Variants in CBX7 observed in about 807,000 individuals in gnomAD.
The protein encoded by CBX7 is chromobox protein homolog 7.
In CBX7, 14 loss-of-function variants were observed where a neutral mutation model predicts 31.4. The observed-to-expected ratio is 0.45, with a 90% CI of 0.29 to 0.70. The LOEUF (loss-of-function observed/expected upper bound fraction) is 0.70, where lower values mean the gene tolerates loss of function less well. Ranked by LOEUF, CBX7 falls within the 30% of genes least tolerant of loss-of-function variation. CBX7 has a pLI of 0.11. For missense variants in CBX7, 269 were observed against 351.9 expected, an observed-to-expected ratio of 0.76 and a Z score of 1.89; for synonymous variants, 159 against 152.6, an observed-to-expected ratio of 1.04 and a Z score of -0.31.
At position 39,132,208 on chromosome 22, in the gene CBX7, G is replaced by C. The variant is rs1002110359; in HGVS notation, c.*1683C>G. ...CCCCATGCAGAAAGGGCTGCAGGCT[G>C]TCTTTGGTTTGGGAACCAGGGAAGA... On this transcript the variant is annotated 3_prime_UTR_variant, in exon 6 of 6. Transcript: ENST00000216133. The C allele has an allele frequency of 1.3e-5, 2 of 152,352 alleles. No homozygotes were observed. The highest frequency in any genetic ancestry group is 2.9e-5 in the Non-Finnish European group (2 of 68,138). The allele number at this position is 152,352 out of a possible 1,614,324, so 9.4% of individuals were successfully genotyped here.
chr22:39,145,857 C>T (rs191684752), intron 2 of CBX7, among the ~76,000 whole-genome samples: 30 of 151,940 alleles, frequency 2.0e-4, no homozygotes, highest in Non-Finnish European at 3.1e-4. Context: ...GCGCAGGGCT[C>T]GCCCTGCTGC....
At chr22:39,139,720 A>G (rs549209044) in intron 3 of CBX7, among the ~76,000 whole-genome samples, 1 of 141,796 alleles carries the variant, frequency 7.1e-6, no homozygotes, top group Admixed American at 7.4e-5. Flanking sequence ...AAAAAAAAAA[A>G]AGAAAGAAAG....
intron 4 of CBX7, among the ~76,000 whole-genome samples, chr22:39,137,368 G>A (rs982437463): frequency 2.0e-5 from 3 of 151,818 alleles, no homozygotes; most frequent in Non-Finnish European, 4.4e-5. Flanking sequence ...GGCGGCAGGG[G>A]ACGGAGTTTC....
At chr22:39,144,906 G>A (rs989245100) in intron 2 of CBX7, among the ~76,000 whole-genome samples, 12 of 152,234 alleles carry the variant, frequency 7.9e-5, no homozygotes, top group African/African-American at 2.7e-4. Context: ...TTTACAGATG[G>A]AGAAACTGAG....
chr22:39,142,124 G>C (rs1352016900), intron 2 of CBX7, among the ~76,000 whole-genome samples: 2 of 152,200 alleles, frequency 1.3e-5, no homozygotes, highest in Admixed American at 6.5e-5. Flanking sequence ...CCCCTAGCTA[G>C]CTGTGCGACC....
chr22:39,137,638 C>T (rs965738862), intron 4 of CBX7, among the ~76,000 whole-genome samples: 3 of 152,048 alleles, frequency 2.0e-5, no homozygotes, highest in Admixed American at 1.3e-4. Flanking sequence ...CATGAGCCAC[C>T]GCACATGGCA....
chr22:39,152,366 G>T lies in CBX7; in HGVS notation c.69+10C>A. 1 of 1,390,478 alleles carries T rather than the reference G, an allele frequency of 7.2e-7. No homozygotes were observed. The highest frequency in any genetic ancestry group is 9.4e-7 in the Non-Finnish European group (1 of 1,064,424). The allele number at this position is 1,390,478 out of a possible 1,614,324, so 86.1% of individuals were successfully genotyped here. A position where few individuals can be genotyped will look rare whatever the true frequency, so the allele number is the denominator to read the frequency against. On this transcript the variant is annotated intron_variant, in intron 1 of 5. Transcript: ENST00000216133. This position sits in a 1 kb window ranked among gnomAD's most constrained non-coding sequence, Gnocchi z 4.9. The stretch of plus-strand genomic sequence containing the variant: ...CTGGGGTCCTGGGAGCCGCCCCCGG[G>T]CAGCCTCACCTTCCGCACGCGCTTC...
chr22:39,138,584 G>C, intron 4 of CBX7, 52 bp downstream of exon 4: 6 of 1,534,696 alleles, frequency 3.9e-6, no homozygotes, highest in Non-Finnish European at 5.4e-6. Context: ...GGGCAGAGGG[G>C]GACTTGGGGT....
intron 2 of CBX7, among the ~76,000 whole-genome samples, chr22:39,145,757 C>T (rs1251232926): frequency 6.6e-6 from 1 of 150,570 alleles, no homozygotes; most frequent in South Asian, 2.1e-4. Flanking sequence ...ACGGCGCGCG[C>T]CGGCTCCGAG....
intron 4 of CBX7, chr22:39,135,961 G>C (rs1257756635): frequency 6.6e-6 from 1 of 152,136 alleles, no homozygotes; most frequent in Non-Finnish European, 1.5e-5. Context: ...GTGGTGGCAG[G>C]TGCCTGTAAT....
chr22:39,143,303 C>T (rs1197392787), intron 2 of CBX7, among the ~76,000 whole-genome samples: 1 of 147,726 alleles, frequency 6.8e-6, no homozygotes, highest in Non-Finnish European at 1.5e-5. Context: ...TTAAAAAAAA[C>T]TTTAAAAGTA....
At chr22:39,134,893 A>T (rs905303661) in intron 4 of CBX7, 141 bp from the exon 5 acceptor site, 1 of 634,612 alleles carries the variant, frequency 1.6e-6, no homozygotes, top group African/African-American at 1.9e-5. Flanking sequence ...ACGGCTGGCC[A>T]TCACCCCACC....
chr22:39,145,393 G>A (rs79092618), intron 2 of CBX7, among the ~76,000 whole-genome samples: 3,551 of 152,266 alleles, frequency 0.023, 143 homozygotes, highest in African/African-American at 0.082. Context: ...GGGCGCCGCG[G>A]ATCGAAGGGA....
chr22:39,141,062 G>A (rs1022496926), intron 3 of CBX7: 3 of 335,906 alleles, frequency 8.9e-6, no homozygotes, highest in South Asian at 3.3e-5. Flanking sequence ...AACCTCTTAC[G>A]GCCCCTCTGA....
In CBX7 at chr22:39,134,045, T is replaced by A. The variant is rs532562033; in HGVS notation, c.602A>T (p.Asp201Val). Residue 201 changes from aspartate to valine, a missense_variant, in exon 6 of 6, where the codon GAT becomes GTT. Physicochemically the swap from Asp to Val is radical, Grantham distance 152. This residue lies in a region of CBX7 where 222 missense variants were observed against 240.4 expected (regional missense o/e 0.92). Transcript: ENST00000216133. ...AGGGGGCCCCTCGGCCAGGTCGGCA[T>A]CTGCTGCAGCGTCAGACACACAGAT... ...PAAQPPEEEA[D>V]ADLAEGPPPW... 1.9e-6 allele frequency: 3 copies of A among 1,597,756 alleles called. No homozygotes were observed. The highest frequency in any genetic ancestry group is 1.1e-5 in the South Asian group (1 of 90,296).
At position 39,134,541 on chromosome 22, in the gene CBX7, C is replaced by G. The variant is rs1006263514; in HGVS notation, c.458G>C (p.Arg153Pro). 1 of 1,609,852 alleles carries G rather than the reference C, an allele frequency of 6.2e-7. No homozygotes were observed. ...RKAHKYLRLS[R>P]KKFPPRGPNL... The stretch of plus-strand genomic sequence containing the variant: ...GGGCCCGCGGGGCGGGAACTTCTTG[C>G]GCGAGAGCCGCAGGTACTTGTGGGC... The change falls in exon 5 of 6, where the codon CGC (arginine) becomes CCC (proline). Residue 153 changes from arginine to proline, a missense_variant. Arg to Pro is a moderately radical substitution (Grantham distance 103, BLOSUM62 -2). Coordinates refer to ENST00000216133, the MANE Select transcript of CBX7 (RefSeq NM_175709.5).
rs1476591737 is a variant in CBX7, at chr22:39,130,819, G to C, written c.*3072C>G. ...TTAATGTATTTTTAATAATTTTTTT[G>C]CCTCATTTACCAGATAAATCATCTA... is the stretch of plus-strand genomic sequence containing the variant. On this transcript the variant is annotated 3_prime_UTR_variant, in exon 6 of 6. Coordinates refer to ENST00000216133, the MANE Select transcript of CBX7 (RefSeq NM_175709.5). 6.6e-6 allele frequency: 1 copy of C among 151,944 alleles called. No homozygotes were observed. The highest frequency in any genetic ancestry group is 2.4e-5 in the African/African-American group (1 of 41,188). 9.4% of individuals were successfully genotyped at this position (151,944 alleles called of 1,614,324 possible).
At chr22:39,140,263 GA>G (rs988391066) in intron 3 of CBX7, among the ~76,000 whole-genome samples, 18 of 152,250 alleles carry the variant, frequency 1.2e-4, no homozygotes, top group African/African-American at 4.1e-4. Context: ...GGACCAAAGG[GA>G]AAGTGTCCCT....
At chr22:39,144,791 GAAT>G (rs1352756285) in intron 2 of CBX7, among the ~76,000 whole-genome samples, 1 of 152,202 alleles carries the variant, frequency 6.6e-6, no homozygotes, top group Non-Finnish European at 1.5e-5. Flanking sequence ...CTCATCTCAA[GAAT>G]AATGACCACT....
Sources: allele counts gnomAD v4.1 joint callset (sites outside exome capture counted in the v4.1 genomes callset), GRCh38; gene constraint gnomAD v4.1.1; regional missense constraint gnomAD v4.1.1; non-coding constraint Gnocchi (gnomAD v3.1); transcripts MANE v1.5; gene names NCBI Gene and HGNC (gene_info 2026-07-23, HGNC 2026-07-21).